The following CIT variants were observed in gnomAD, a reference collection of about 807,000 sequenced individuals.
The protein encoded by CIT is citron rho-interacting serine/threonine kinase.
In CIT, 79 loss-of-function variants were observed where a neutral mutation model predicts 272.7. The ratio of observed to expected loss-of-function variants is 0.29; its 90% CI spans 0.24 to 0.35. CIT has a LOEUF of 0.35. Among genes scored for constraint, CIT ranks in the 10% least tolerant of loss-of-function variants. The pLI, the probability that CIT is intolerant of heterozygous loss-of-function variation, is 1.00. For synonymous variants in CIT, 948 were observed against 995.6 expected, an observed-to-expected ratio of 0.95 and a Z score of 0.90; for missense variants, 1,909 against 2,618.3, an observed-to-expected ratio of 0.73 and a Z score of 5.91.
chr12:119,761,011 T>A lies in CIT; in HGVS notation c.2349A>T (p.Thr783=). The change falls in exon 20 of 48, where the codon ACA becomes ACT. Residue 783 remains threonine (T), a synonymous_variant. Coordinates refer to ENST00000392521, the MANE Select transcript of CIT (RefSeq NM_001206999.2). The part of the protein sequence containing the change: ...QIKKDLADKE[T]LENMMQRHEE... Reference sequence around the variant, plus strand: ...CGTGTCTCTGCATCATGTTCTCCAGTGTCTCCTTGTCAGCCAGGTCTTTCT... The same window carrying A: ...CGTGTCTCTGCATCATGTTCTCCAGAGTCTCCTTGTCAGCCAGGTCTTTCT... 2 of 1,614,206 alleles carry A rather than the reference T, an allele frequency of 1.2e-6. No individual in the cohort carries two copies. The highest frequency in any genetic ancestry group is 1.7e-6 in the Non-Finnish European group (2 of 1,180,020).
intron 9 of CIT, among the ~76,000 whole-genome samples, chr12:119,816,754 C>T (rs1299091563): frequency 6.6e-6 from 1 of 152,164 alleles, no homozygotes; most frequent in African/African-American, 2.4e-5. Context: ...TGTGATGTTC[C>T]CTCTCCTGAT....
Position 119,735,298 on chromosome 12 carries a change from G to A in CIT, c.3018C>T (p.Asn1006=), listed in dbSNP as rs1267701591. The change falls in exon 25 of 48, where the codon AAC becomes AAT. Residue 1006 remains asparagine (N), a synonymous_variant. Coordinates refer to ENST00000392521, the MANE Select transcript of CIT (RefSeq NM_001206999.2). ...NQLTEDNAEL[N]NQNFYLSKQL... ...GTTTGGACAAGTAGAAGTTTTGGTT[G>A]TTGAGTTCAGCGTTGTCCTCGGTCA... is the stretch of plus-strand genomic sequence containing the variant. 8.7e-6 allele frequency: 14 copies of A among 1,614,198 alleles called. No homozygotes were observed. Among genetic ancestry groups the A allele is most frequent in the Non-Finnish European group, 1.1e-5 (13 of 1,180,032 alleles).
chr12:119,780,899 C>A (rs1964227194), intron 13 of CIT, among the ~76,000 whole-genome samples: 1 of 152,198 alleles, frequency 6.6e-6, no homozygotes, highest in African/African-American at 2.4e-5. Context: ...TGCATGCCAA[C>A]TGTGGTATGA....
chr12:119,844,752 C>A (rs1969671939), intron 5 of CIT, among the ~76,000 whole-genome samples: 1 of 151,996 alleles, frequency 6.6e-6, no homozygotes, highest in African/African-American at 2.4e-5. Context: ...AGCTACAAAA[C>A]AAGGGAGTAA....
chr12:119,705,266 T>C (rs1956810436), intron 40 of CIT, among the ~76,000 whole-genome samples: 1 of 152,182 alleles, frequency 6.6e-6, no homozygotes, highest in Admixed American at 6.5e-5. Flanking sequence ...TAAGAACTCA[T>C]ACACGTGCAG....
rs1235277264 is a variant in CIT, at chr12:119,697,664, G to A, written c.5877C>T (p.Ser1959=). ...GTEHHRGPST[S]RSSPNKRGPP... is the part of the protein sequence containing the mutation. ...GAAGAGGAGAAGCTGGTTACCTGCG[G>A]GAGGTGGACGGGCCCCGGTGGTGTT... The change falls in exon 46 of 48, where the codon TCC becomes TCT. Residue 1959 remains serine, a synonymous_variant. Coordinates refer to ENST00000392521, the MANE Select transcript of CIT (RefSeq NM_001206999.2). This position sits in a 1 kb window ranked among gnomAD's most constrained non-coding sequence, Gnocchi z 4.9. The A allele has an allele frequency of 6.2e-7, 1 of 1,613,730 alleles. No individual in the cohort carries two copies. Among genetic ancestry groups the A allele is most frequent in the Non-Finnish European group, 8.5e-7 (1 of 1,179,834 alleles).
intron 15 of CIT, 77 bp downstream of exon 15, chr12:119,776,281 G>A: frequency 9.3e-7 from 1 of 1,077,916 alleles, no homozygotes; most frequent in Admixed American, 1.8e-5. Context: ...CTTCATCAAT[G>A]ATGGGCCACT....
At chr12:119,806,137 CAAAAAAAAAA>C (rs3858711) in intron 9 of CIT, among the ~76,000 whole-genome samples, 17 of 62,662 alleles carry the variant, frequency 2.7e-4, no homozygotes, top group African/African-American at 1.2e-3. Flanking sequence ...AACACCATCT[CAAAAAAAAAA>C]AAAAAAAAAA....
intron 9 of CIT, among the ~76,000 whole-genome samples, chr12:119,817,566 G>C (rs1293007289): frequency 6.6e-6 from 1 of 152,014 alleles, no homozygotes; most frequent in Non-Finnish European, 1.5e-5. Flanking sequence ...GGCCTACGAA[G>C]CATTAAACTT....
In CIT at chr12:119,712,751, G is replaced by C; in HGVS notation, c.4580-56C>G. ...AACAAAAGAACAGGAACAAGAACAA[G>C]GGGAGAAGAGAGAGCGAGAGAGACA... On this transcript the variant is annotated intron_variant, in intron 35 of 47. Transcript: ENST00000392521. This position sits in a 1 kb window ranked among gnomAD's most constrained non-coding sequence, Gnocchi z 5.2. 2 of 1,431,420 alleles carry C rather than the reference G, an allele frequency of 1.4e-6. No homozygotes were observed. The highest frequency in any genetic ancestry group is 2.0e-6 in the Non-Finnish European group (2 of 1,015,214). 88.7% of individuals were successfully genotyped at this position (1,431,420 alleles called of 1,614,324 possible).
intron 9 of CIT, among the ~76,000 whole-genome samples, chr12:119,818,158 C>G (rs766539944): frequency 3.9e-5 from 6 of 152,176 alleles, no homozygotes; most frequent in Non-Finnish European, 7.4e-5. Flanking sequence ...CAAGTTACCA[C>G]AGTAACCACA....
At chr12:119,704,959 C>A (rs1956797035) in intron 40 of CIT, among the ~76,000 whole-genome samples, 1 of 152,234 alleles carries the variant, frequency 6.6e-6, no homozygotes, top group African/African-American at 2.4e-5. Flanking sequence ...GTCGCCCAGG[C>A]TGGAGTGCAG....
intron 13 of CIT, among the ~76,000 whole-genome samples, chr12:119,779,921 C>T (rs1964128989): frequency 6.6e-6 from 1 of 152,220 alleles, no homozygotes; most frequent in Non-Finnish European, 1.5e-5. Context: ...CAGGAAAAAC[C>T]TGAGAGGTGA....
intron 22 of CIT, among the ~76,000 whole-genome samples, chr12:119,755,379 C>T (rs1373261607): frequency 6.6e-6 from 1 of 152,168 alleles, no homozygotes; most frequent in Non-Finnish European, 1.5e-5. Context: ...CATTTTAATA[C>T]TCCAAGACAA....
Position 119,713,398 on chromosome 12 carries a change from C to T in CIT, c.4487+70G>A, listed in dbSNP as rs113612648. The T allele has an allele frequency of 6.3e-7, 1 of 1,595,570 alleles. No individual in the cohort carries two copies. Among genetic ancestry groups the T allele is most frequent in the South Asian group, 1.1e-5 (1 of 89,222 alleles). ...CAGAGTTCCTAGAAAAGACACTTCCCTAGAAAACATCAGGGACAGAGTGGC... is the reference window on the plus strand; with the variant it reads ...CAGAGTTCCTAGAAAAGACACTTCCTTAGAAAACATCAGGGACAGAGTGGC... On this transcript the variant is annotated intron_variant, in intron 34 of 47. Transcript: ENST00000392521. The surrounding 1 kb of genome is among the most constrained non-coding windows in gnomAD (Gnocchi z 5.2).
intron 13 of CIT, among the ~76,000 whole-genome samples, chr12:119,780,579 T>C (rs1964197239): frequency 6.6e-6 from 1 of 152,130 alleles, no homozygotes; most frequent in Non-Finnish European, 1.5e-5. Flanking sequence ...ACTGCACCAC[T>C]GCACTCCAGC....
intron 19 of CIT, among the ~76,000 whole-genome samples, chr12:119,762,388 G>A (rs1206984662): frequency 6.6e-6 from 1 of 152,164 alleles, no homozygotes; most frequent in Middle Eastern, 3.2e-3. Flanking sequence ...CAAGAACAGG[G>A]TAGAATCGAG....
At chr12:119,747,336 G>T (rs1319787612) in intron 23 of CIT, among the ~76,000 whole-genome samples, 1 of 151,686 alleles carries the variant, frequency 6.6e-6, no homozygotes, top group Admixed American at 6.6e-5. Context: ...TAGGAAAATC[G>T]CTTGAACCCA....
chr12:119,807,791 G>A (rs4767847), intron 9 of CIT, among the ~76,000 whole-genome samples: 89,221 of 151,586 alleles, frequency 0.59, 27,443 homozygotes, highest in East Asian at 0.84. Context: ...ACAGTATTAT[G>A]AAATCATCAG....
Sources: gnomAD v4.1 joint callset for allele counts (sites outside exome capture counted in the v4.1 genomes callset) on GRCh38, gnomAD v4.1.1 for gene constraint, Gnocchi (gnomAD v3.1) non-coding constraint, MANE v1.5 for transcripts, NCBI Gene and HGNC (gene_info 2026-07-23, HGNC 2026-07-21) for gene names.